Variants in ENPP2 observed in about 807,000 individuals in gnomAD.
ENPP2 encodes ectonucleotide pyrophosphatase/phosphodiesterase 2.
In ENPP2, 51 loss-of-function variants were observed where a neutral mutation model predicts 120.2. The observed-to-expected ratio is 0.42, with a 90% CI of 0.34 to 0.54. The LOEUF (loss-of-function observed/expected upper bound fraction) is 0.54, where lower values mean the gene tolerates loss of function less well. Among genes scored for constraint, ENPP2 ranks in the 20% least tolerant of loss-of-function variants. ENPP2 has a pLI of 0.04. For synonymous variants in ENPP2, 365 were observed against 366.4 expected (o/e 1.00, Z 0.04); for missense variants, 920 against 1,066.5 (o/e 0.86, Z 1.91).
At chr8:119,608,295 A>G (rs1375067105) in intron 8 of ENPP2, among the ~76,000 whole-genome samples, 1 of 152,188 alleles carries the variant, frequency 6.6e-6, no homozygotes, top group East Asian at 1.9e-4. Flanking sequence ...TGAACAATTA[A>G]CTTATGCAGC....
chr8:119,619,372 T>C (rs1815719894), intron 4 of ENPP2, 68 bp from the exon 5 acceptor site: 1 of 1,064,138 alleles, frequency 9.4e-7, no homozygotes, highest in South Asian at 1.3e-5. Context: ...AAGCTCACAA[T>C]TCCAGGATCT....
rs186157123 is a variant in ENPP2, at chr8:119,593,278, G to A, written c.1081+474C>T. ...GACCTTGACTTCCCTCAGTGGATTC[G>A]GGGAAATGATTTGACTTACACGCCA... On this transcript the variant is annotated intron_variant, in intron 12 of 24. Coordinates refer to ENST00000075322, the MANE Select transcript of ENPP2 (RefSeq NM_001040092.3). Among the ~76,000 whole-genome samples, 154 of 152,224 alleles carry A rather than the reference G, an allele frequency of 1.0e-3. 1 individual carries two copies. Among genetic ancestry groups the A allele is most frequent in the African/African-American group, 2.7e-3 (111 of 41,518 alleles).
At chr8:119,626,894 G>A (rs543160534) in intron 2 of ENPP2, among the ~76,000 whole-genome samples, 174 bp from the exon 3 acceptor site, 13 of 152,260 alleles carry the variant, frequency 8.5e-5, no homozygotes, top group Admixed American at 1.3e-4. Flanking sequence ...CTTGTTCTAC[G>A]ATTTCCTCAT....
intron 2 of ENPP2, among the ~76,000 whole-genome samples, chr8:119,628,150 T>C (rs955212499): frequency 1.3e-5 from 2 of 152,118 alleles, no homozygotes; most frequent in Non-Finnish European, 2.9e-5. Flanking sequence ...AGTAGTCTGA[T>C]ACTAGAAAAT....
chr8:119,647,155 C>T (rs1266487552), intron 1 of ENPP2, among the ~76,000 whole-genome samples: 3 of 152,064 alleles, frequency 2.0e-5, no homozygotes, highest in African/African-American at 7.2e-5. Context: ...CACCACAACA[C>T]CCAGCTGATT....
chr8:119,582,293 G>A, intron 18 of ENPP2, 125 bp downstream of exon 18: 1 of 695,710 alleles, frequency 1.4e-6, no homozygotes, highest in Non-Finnish European at 2.4e-6. Flanking sequence ...AGTCACACTA[G>A]CCAGTAGCTA....
chr8:119,569,738 T>TTGTGTGTGTGTGTGTGTG (rs754303358), intron 20 of ENPP2, among the ~76,000 whole-genome samples: 20 of 90,756 alleles, frequency 2.2e-4, no homozygotes, highest in Non-Finnish European at 4.4e-4. Flanking sequence ...AATAGACTAT[T>TTGTGTGTGTGTGTGTGTG]TATCTGTGTG....
chr8:119,619,802 C>T (rs1205825381), intron 4 of ENPP2, among the ~76,000 whole-genome samples: 1 of 151,398 alleles, frequency 6.6e-6, no homozygotes, highest in Non-Finnish European at 1.5e-5. Context: ...TCCATACAGC[C>T]CTTGAATTTA....
chr8:119,572,364 G>A (rs961358560), intron 19 of ENPP2: 4 of 776,816 alleles, frequency 5.1e-6, no homozygotes, highest in South Asian at 1.6e-5. Context: ...GCATCTAATC[G>A]ATTCCATTAG....
intron 18 of ENPP2, among the ~76,000 whole-genome samples, chr8:119,581,303 G>C (rs1220256929): frequency 6.6e-6 from 1 of 150,510 alleles, no homozygotes; most frequent in East Asian, 1.9e-4. Flanking sequence ...TCCAAGCATA[G>C]TGTGTGGGGG....
chr8:119,593,314 A>C (rs994526192), intron 12 of ENPP2, among the ~76,000 whole-genome samples: 6 of 152,198 alleles, frequency 3.9e-5, no homozygotes, highest in African/African-American at 9.6e-5. Context: ...CTTCTTTGAC[A>C]AGAATCCCAT....
intron 3 of ENPP2, 134 bp from the exon 4 acceptor site, chr8:119,621,653 GC>G (rs1815906507): frequency 5.7e-6 from 5 of 881,990 alleles, no homozygotes; most frequent in Admixed American, 4.4e-5. Flanking sequence ...ATTTGAGTTG[GC>G]TTGAGGCCCA....
At chr8:119,572,244 G>A (rs1815060969) in intron 19 of ENPP2, 1 of 1,551,784 alleles carries the variant, frequency 6.4e-7, no homozygotes. Context: ...GAATTTCCTG[G>A]TTTCAGCTGG....
intron 15 of ENPP2, among the ~76,000 whole-genome samples, chr8:119,584,448 T>A (rs1812967807): frequency 6.6e-6 from 1 of 152,194 alleles, no homozygotes; most frequent in Non-Finnish European, 1.5e-5. Context: ...CAAGACATAG[T>A]TGGCACTTTA....
intron 1 of ENPP2, among the ~76,000 whole-genome samples, chr8:119,651,715 C>A (rs887689714): frequency 6.6e-6 from 1 of 152,108 alleles, no homozygotes; most frequent in African/African-American, 2.4e-5. Flanking sequence ...CTTCTTGTGA[C>A]CCCCAAAAAG....
At chr8:119,666,042 G>A (rs112048692) in intron 1 of ENPP2, among the ~76,000 whole-genome samples, 234 of 152,246 alleles carry the variant, frequency 1.5e-3, no homozygotes, top group African/African-American at 5.4e-3. Context: ...AATATATAAT[G>A]GCATGGGGCA....
At chr8:119,651,525 TAAG>T (rs1817624887) in intron 1 of ENPP2, among the ~76,000 whole-genome samples, 1 of 152,208 alleles carries the variant, frequency 6.6e-6, no homozygotes, top group Non-Finnish European at 1.5e-5. Context: ...GATTTCCCAA[TAAG>T]AATTACAAAA....
chr8:119,671,310 A>G (rs1206931868), intron 1 of ENPP2, among the ~76,000 whole-genome samples: 1 of 152,022 alleles, frequency 6.6e-6, no homozygotes, highest in Non-Finnish European at 1.5e-5. Context: ...CAAAAAAAAG[A>G]AAGAAAGATC....
At chr8:119,595,743 G>T in intron 11 of ENPP2, 1 of 1,133,040 alleles carries the variant, frequency 8.8e-7, no homozygotes, top group African/African-American at 1.5e-5. Context: ...ATGCACCAGA[G>T]TTTTTCTAAA....
Sources: allele counts gnomAD v4.1 joint callset (sites outside exome capture counted in the v4.1 genomes callset), GRCh38; gene constraint gnomAD v4.1.1; transcripts MANE v1.5; gene names NCBI Gene and HGNC (gene_info 2026-07-23, HGNC 2026-07-21).